The following GALNTL6 variants were observed in gnomAD, a reference collection of about 807,000 sequenced individuals.
GALNTL6 encodes polypeptide N-acetylgalactosaminyltransferase like 6, also known as polypeptide N-acetylgalactosaminyltransferase-like 6.
Under a neutral mutation model 73.7 loss-of-function variants are expected in GALNTL6, and 46 were observed. The ratio of observed to expected loss-of-function variants is 0.62; its 90% CI spans 0.49 to 0.80. The LOEUF (loss-of-function observed/expected upper bound fraction) is 0.80, where lower values mean the gene tolerates loss of function less well. GALNTL6 is among the 30% of genes least tolerant of loss of function. The pLI is 0.00. For missense variants in GALNTL6, 604 were observed against 755.0 expected (o/e 0.80, Z 2.34); for synonymous variants, 259 against 263.7 (o/e 0.98, Z 0.17).
chr4:172,293,763 A>G (rs185299759), intron 3 of GALNTL6, among the ~76,000 whole-genome samples: 4 of 151,704 alleles, frequency 2.6e-5, no homozygotes, highest in Admixed American at 6.6e-5. Context: ...AACATTTTGC[A>G]TAAATTAAAC....
intron 5 of GALNTL6, among the ~76,000 whole-genome samples, chr4:172,571,034 A>G (rs945885130): frequency 6.6e-6 from 1 of 152,178 alleles, no homozygotes; most frequent in African/African-American, 2.4e-5. Flanking sequence ...GCAGCTGTAA[A>G]TACAGATGAA....
At chr4:172,217,158 T>C (rs764921329) in intron 2 of GALNTL6, among the ~76,000 whole-genome samples, 2 of 152,072 alleles carry the variant, frequency 1.3e-5, no homozygotes, top group South Asian at 4.1e-4. Context: ...TCTTAGTTAA[T>C]CTCTTCAGGA....
chr4:172,928,199 T>C (rs1005681051), intron 8 of GALNTL6, among the ~76,000 whole-genome samples: 1 of 152,192 alleles, frequency 6.6e-6, no homozygotes, highest in African/African-American at 2.4e-5. Context: ...GCAAAAGTAT[T>C]TATTTTCTGG....
At chr4:172,262,697 G>A (rs775880005) in intron 3 of GALNTL6, among the ~76,000 whole-genome samples, 1 of 150,620 alleles carries the variant, frequency 6.6e-6, no homozygotes, top group Admixed American at 6.6e-5. Flanking sequence ...GTTTTTGTGT[G>A]TATTGTTTTA....
chr4:172,893,350 G>C (rs1038093955), intron 8 of GALNTL6, among the ~76,000 whole-genome samples: 12 of 152,014 alleles, frequency 7.9e-5, no homozygotes, highest in East Asian at 1.9e-4. Context: ...AGTGGCGGGG[G>C]GGGGGTCTTC....
chr4:172,205,086 A>G (rs1368249903), intron 2 of GALNTL6, among the ~76,000 whole-genome samples: 1 of 152,188 alleles, frequency 6.6e-6, no homozygotes, highest in Non-Finnish European at 1.5e-5. Flanking sequence ...AAGAACCCCT[A>G]GATACACTAC....
intron 2 of GALNTL6, among the ~76,000 whole-genome samples, chr4:171,923,074 T>G (rs375759346): frequency 6.6e-6 from 1 of 152,070 alleles, no homozygotes; most frequent in South Asian, 2.1e-4. Flanking sequence ...AATATTTATA[T>G]AGAGAGAGGA....
chr4:172,326,751 T>C (rs1740956961), intron 4 of GALNTL6, among the ~76,000 whole-genome samples: 1 of 151,988 alleles, frequency 6.6e-6, no homozygotes, highest in East Asian at 1.9e-4. Context: ...TCTACTTTTT[T>C]CCTCTGGCTT....
intron 2 of GALNTL6, among the ~76,000 whole-genome samples, chr4:171,817,509 G>C (rs929056819): frequency 6.6e-6 from 1 of 151,546 alleles, no homozygotes; most frequent in African/African-American, 2.4e-5. Context: ...AAAGGGAAGT[G>C]AAACAGGAAA....
intron 7 of GALNTL6, among the ~76,000 whole-genome samples, chr4:172,860,483 T>C (rs1744339734): frequency 6.6e-6 from 1 of 152,126 alleles, no homozygotes; most frequent in South Asian, 2.1e-4. Context: ...AAAAAGTACA[T>C]TTATTGAGGT....
chr4:172,145,891 C>T (rs1201496487), intron 2 of GALNTL6, among the ~76,000 whole-genome samples: 1 of 151,778 alleles, frequency 6.6e-6, no homozygotes, highest in East Asian at 1.9e-4. Context: ...ACATGAACAC[C>T]CATTGAATAA....
chr4:172,545,503 T>A (rs1188255917), intron 5 of GALNTL6: 1 of 152,206 alleles, frequency 6.6e-6, no homozygotes, highest in Non-Finnish European at 1.5e-5. Flanking sequence ...CCAGAATCCT[T>A]GTGTGGATTT....
intron 7 of GALNTL6, among the ~76,000 whole-genome samples, chr4:172,865,698 T>G (rs1744628334): frequency 6.6e-6 from 1 of 152,188 alleles, no homozygotes; most frequent in Admixed American, 6.5e-5. Context: ...CTGTCTCTTC[T>G]CTTGGCTTCT....
chr4:172,041,978 TTGTAC>T (rs1742098042), intron 2 of GALNTL6, among the ~76,000 whole-genome samples: 1 of 152,060 alleles, frequency 6.6e-6, no homozygotes, highest in South Asian at 2.1e-4. Context: ...AATATAACTA[TTGTAC>T]TGTAAAAAGC....
chr4:172,738,332 T>C (rs1330767445), intron 5 of GALNTL6, among the ~76,000 whole-genome samples: 1 of 152,188 alleles, frequency 6.6e-6, no homozygotes, highest in Non-Finnish European at 1.5e-5. Context: ...CCCCAGAAAC[T>C]GGCTCATCCT....
At chr4:172,207,975 T>C (rs1424214846) in intron 2 of GALNTL6, among the ~76,000 whole-genome samples, 1 of 152,224 alleles carries the variant, frequency 6.6e-6, no homozygotes, top group Admixed American at 6.5e-5. Context: ...CTTCAGTTCT[T>C]AAAGGGACAA....
At chr4:172,501,169 T>G (rs2110776338) in intron 5 of GALNTL6, among the ~76,000 whole-genome samples, 1 of 152,334 alleles carries the variant, frequency 6.6e-6, no homozygotes, top group South Asian at 2.1e-4. Context: ...TTCCTGACTG[T>G]GATATTGTAC....
intron 5 of GALNTL6, among the ~76,000 whole-genome samples, chr4:172,651,157 CT>C (rs1740458778): frequency 6.6e-6 from 1 of 152,138 alleles, no homozygotes; most frequent in South Asian, 2.1e-4. Flanking sequence ...GATTCCAGGC[CT>C]GCTTTAGGTA....
At chr4:172,474,614 G>A (rs1279382599) in intron 5 of GALNTL6, among the ~76,000 whole-genome samples, 1 of 152,082 alleles carries the variant, frequency 6.6e-6, no homozygotes, top group Non-Finnish European at 1.5e-5. Flanking sequence ...TAAGAGTGAA[G>A]AATCTTCTAA....
Sources: allele counts gnomAD v4.1 joint callset (sites outside exome capture counted in the v4.1 genomes callset), GRCh38; gene constraint gnomAD v4.1.1; transcripts MANE v1.5; gene names NCBI Gene and HGNC (gene_info 2026-07-23, HGNC 2026-07-21).